TSC22D1: variants seen among roughly 807,000 people sequenced by gnomAD.
TSC22D1 encodes the protein TSC22 domain family protein 1.
In TSC22D1, 9 loss-of-function variants were observed where a neutral mutation model predicts 74.2. The ratio of observed to expected loss-of-function variants is 0.12; its 90% confidence interval spans 0.07 to 0.21. The LOEUF is 0.21. Ranked by LOEUF, TSC22D1 falls within the 10% of genes least tolerant of loss-of-function variation. The pLI, the probability that TSC22D1 is intolerant of heterozygous loss-of-function variation, is 1.00. For synonymous variants in TSC22D1, 586 were observed against 492.5 expected, an observed-to-expected ratio of 1.19 and a Z score of -2.51; for missense variants, 1,427 against 1,304.7, an observed-to-expected ratio of 1.09 and a Z score of -1.44.
At chr13:44,435,183 A>G (rs1874448771) in intron 2 of TSC22D1, 1 of 269,956 alleles carries the variant, frequency 3.7e-6, no homozygotes, top group Non-Finnish European at 6.9e-6. Flanking sequence ...GACTGAGACC[A>G]GCAGCGGGGA....
At chr13:44,441,321 T>G (rs1875180928) in intron 1 of TSC22D1, among the ~76,000 whole-genome samples, 1 of 152,230 alleles carries the variant, frequency 6.6e-6, no homozygotes, top group South Asian at 2.1e-4. Flanking sequence ...GGTGAGCTAC[T>G]GATAGGTGTA....
chr13:44,565,797 A>T (rs945886237), intron 1 of TSC22D1, among the ~76,000 whole-genome samples: 1 of 152,140 alleles, frequency 6.6e-6, no homozygotes, highest in African/African-American at 2.4e-5. Flanking sequence ...AGCTCAAGTG[A>T]TCCTCCTATC....
At chr13:44,439,623 C>T (rs1875025943) in intron 1 of TSC22D1, among the ~76,000 whole-genome samples, 1 of 152,194 alleles carries the variant, frequency 6.6e-6, no homozygotes, top group African/African-American at 2.4e-5. Flanking sequence ...AGCCATGGAC[C>T]ATATAAGTCT....
At position 44,542,254 on chromosome 13, in the gene TSC22D1, A is replaced by C. The variant is rs575863357; in HGVS notation, c.2912+30909T>G. Among the ~76,000 whole-genome samples the C allele has an allele frequency of 7.9e-5, 12 of 152,206 alleles. No homozygotes were observed. The East Asian group carries it at 2.1e-3, about 27-fold the overall frequency. ...AATACAGGCAAAAAGAAAGAGGTACATTTTGATATAGGAAATACACCTCGT... is the reference window on the plus strand; with the variant it reads ...AATACAGGCAAAAAGAAAGAGGTACCTTTTGATATAGGAAATACACCTCGT... On this transcript the variant is annotated intron_variant, in intron 1 of 2. Coordinates refer to ENST00000458659, the MANE Select transcript of TSC22D1 (RefSeq NM_183422.4).
intron 1 of TSC22D1, among the ~76,000 whole-genome samples, chr13:44,503,328 A>C (rs1456680379): frequency 6.7e-6 from 1 of 149,956 alleles, no homozygotes; most frequent in East Asian, 1.9e-4. Context: ...TAAAGTACAC[A>C]GAAAAAAAAC....
chr13:44,509,335 T>C (rs1314994341), intron 1 of TSC22D1, among the ~76,000 whole-genome samples: 4 of 152,186 alleles, frequency 2.6e-5, no homozygotes, highest in Non-Finnish European at 5.9e-5. Flanking sequence ...GCCACTGAAC[T>C]GTACATTTAA....
chr13:44,477,018 C>T (rs1422603070), intron 1 of TSC22D1, among the ~76,000 whole-genome samples: 3 of 151,918 alleles, frequency 2.0e-5, no homozygotes, highest in South Asian at 4.2e-4. Context: ...TTTGCTCTGT[C>T]GCCCAGGCTG....
chr13:44,571,035 T>C (rs1252160287), intron 1 of TSC22D1, among the ~76,000 whole-genome samples: 1 of 152,204 alleles, frequency 6.6e-6, no homozygotes, highest in Non-Finnish European at 1.5e-5. Context: ...GAATTTAAGA[T>C]ACCGCTAAAA....
At chr13:44,506,147 G>T (rs1266455159) in intron 1 of TSC22D1, among the ~76,000 whole-genome samples, 1 of 152,160 alleles carries the variant, frequency 6.6e-6, no homozygotes, top group Non-Finnish European at 1.5e-5. Context: ...AATGATGGCA[G>T]TTTCTTAAAG....
At chr13:44,521,682 GAAA>G (rs79105986) in intron 1 of TSC22D1, among the ~76,000 whole-genome samples, 3 of 118,504 alleles carry the variant, frequency 2.5e-5, no homozygotes, top group Non-Finnish European at 3.7e-5. Context: ...ACAAAGAATG[GAAA>G]AAAAAAAAAA....
At chr13:44,549,791 AAAG>A (rs1444670157) in intron 1 of TSC22D1, among the ~76,000 whole-genome samples, 9 of 151,482 alleles carry the variant, frequency 5.9e-5, no homozygotes, top group East Asian at 3.9e-4. Flanking sequence ...AAAAAAAAAA[AAAG>A]AAGAAGGCGG....
chr13:44,459,328 T>G (rs541200752), intron 1 of TSC22D1, among the ~76,000 whole-genome samples: 59 of 152,254 alleles, frequency 3.9e-4, no homozygotes, highest in Non-Finnish European at 6.3e-4. Context: ...CTTGCCAGGA[T>G]GACCTGCCTG....
In TSC22D1 at chr13:44,511,341, C is replaced by A. The variant is rs561194082; in HGVS notation, c.2912+61822G>T. Among the ~76,000 whole-genome samples, 126 of 152,058 alleles carry A rather than the reference C, an allele frequency of 8.3e-4. 1 individual carries two copies. The highest frequency in any genetic ancestry group is 2.9e-3 in the African/African-American group (120 of 41,492). On this transcript the variant is annotated intron_variant, in intron 1 of 2. Coordinates refer to ENST00000458659, the MANE Select transcript of TSC22D1 (RefSeq NM_183422.4). ...TAAACAAAAACCTTTGCCTGTAATT[C>A]TTCTGCTTTTCTATAGCTGAGCTCA...
At chr13:44,508,121 C>A (rs933053772) in intron 1 of TSC22D1, among the ~76,000 whole-genome samples, 9 of 152,150 alleles carry the variant, frequency 5.9e-5, no homozygotes, top group African/African-American at 2.2e-4. Context: ...CTAGGAGAAA[C>A]TGACAAGTGT....
chr13:44,470,202 T>A (rs996971284), intron 1 of TSC22D1, among the ~76,000 whole-genome samples: 4 of 152,220 alleles, frequency 2.6e-5, no homozygotes, highest in African/African-American at 9.6e-5. Flanking sequence ...GAAAGAAAAC[T>A]TCCCCCTAGT....
At chr13:44,532,566 C>T (rs931116930) in intron 1 of TSC22D1, among the ~76,000 whole-genome samples, 1 of 152,170 alleles carries the variant, frequency 6.6e-6, no homozygotes, top group African/African-American at 2.4e-5. Flanking sequence ...CTCCGCCTCC[C>T]AGGTCCTCGC....
chr13:44,551,395 T>TGG (rs1882256278), intron 1 of TSC22D1, among the ~76,000 whole-genome samples: 1 of 122,548 alleles, frequency 8.2e-6, no homozygotes, highest in Non-Finnish European at 1.6e-5. Flanking sequence ...GATGGGTGTG[T>TGG]GTGTGTGTGT....
intron 1 of TSC22D1, among the ~76,000 whole-genome samples, chr13:44,555,653 T>A (rs1301202749): frequency 2.0e-5 from 3 of 152,036 alleles, no homozygotes; most frequent in Admixed American, 2.0e-4. Flanking sequence ...ACAGCCATCC[T>A]TGTCTTCAAG....
intron 1 of TSC22D1, chr13:44,539,716 A>T (rs1881353167): frequency 8.3e-7 from 1 of 1,210,032 alleles, no homozygotes; most frequent in Non-Finnish European, 1.1e-6. Context: ...GGGCAATGGA[A>T]GGACACTCCA....
Sources: allele counts gnomAD v4.1 joint callset (sites outside exome capture counted in the v4.1 genomes callset), GRCh38; gene constraint gnomAD v4.1.1; transcripts MANE v1.5; gene names NCBI Gene and HGNC (gene_info 2026-07-23, HGNC 2026-07-21).